The following DUSP13B variants were observed in gnomAD, a reference collection of about 807,000 sequenced individuals.
DUSP13B encodes the protein dual specificity protein phosphatase 13B.
At chr10:75,108,825 G>C in the DUSP13B span, among the ~76,000 whole-genome samples, 1 of 152,182 alleles carries the variant, frequency 6.6e-6, no homozygotes, top group Non-Finnish European at 1.5e-5. Context: ...TGCTCTCCCT[G>C]GTGGCCATAC....
chr10:75,098,245 C>T, the DUSP13B span, among the ~76,000 whole-genome samples: 3 of 152,118 alleles, frequency 2.0e-5, no homozygotes, highest in Non-Finnish European at 1.5e-5. Context: ...GGATGAAAGC[C>T]CCAGATGGCT....
the DUSP13B span, among the ~76,000 whole-genome samples, chr10:75,101,190 G>C: frequency 2.4e-4 from 37 of 152,188 alleles, no homozygotes. Context: ...GACCTGGGTA[G>C]AAATCTCAGG....
chr10:75,102,747 G>T, the DUSP13B span, among the ~76,000 whole-genome samples: 2 of 152,182 alleles, frequency 1.3e-5, no homozygotes, highest in Non-Finnish European at 2.9e-5. Context: ...GAGGTCGGGA[G>T]TTCGAGACCA....
the DUSP13B span, among the ~76,000 whole-genome samples, chr10:75,106,235 C>T: frequency 6.6e-6 from 1 of 151,832 alleles, no homozygotes; most frequent in African/African-American, 2.4e-5. Flanking sequence ...AGACACCGCT[C>T]CTGGCCTCCA....
chr10:75,095,762 C>T, the DUSP13B span: 1 of 1,614,212 alleles, frequency 6.2e-7, no homozygotes, highest in East Asian at 2.2e-5. Context: ...TGATTCCCAG[C>T]TGGATCAGCT....
the DUSP13B span, chr10:75,101,934 G>A: frequency 1.8e-5 from 25 of 1,367,694 alleles, no homozygotes; most frequent in Middle Eastern, 2.1e-4. Flanking sequence ...GCTTTCAGCC[G>A]CCTGTCTCCG....
chr10:75,097,985 A>T, the DUSP13B span: 1 of 1,093,334 alleles, frequency 9.1e-7, no homozygotes, highest in South Asian at 1.8e-5. Context: ...TGCCACGGGG[A>T]TGCTGCAGGA....
the DUSP13B span, chr10:75,104,194 T>C: frequency 1.2e-6 from 1 of 832,590 alleles, no homozygotes; most frequent in Non-Finnish European, 1.7e-6. Context: ...CACCTAAACC[T>C]GCTTCTGCCT....
the DUSP13B span, among the ~76,000 whole-genome samples, chr10:75,098,792 G>A: frequency 2.6e-4 from 39 of 152,266 alleles, no homozygotes; most frequent in African/African-American, 8.4e-4. Context: ...TGTCTCACTC[G>A]TGGGATATCT....
At chr10:75,094,546 T>A in the DUSP13B span, 1 of 1,016,610 alleles carries the variant, frequency 9.8e-7, no homozygotes, top group Non-Finnish European at 1.4e-6. Flanking sequence ...CACCCAGCTA[T>A]CCCTGCCTCT....
the DUSP13B span, among the ~76,000 whole-genome samples, chr10:75,104,818 G>T: frequency 2.0e-5 from 3 of 152,070 alleles, no homozygotes; most frequent in African/African-American, 7.2e-5. Context: ...AGGGGAAGGG[G>T]TCGATGCTGC....
the DUSP13B span, among the ~76,000 whole-genome samples, chr10:75,102,182 T>C: frequency 8.5e-5 from 13 of 152,326 alleles, no homozygotes; most frequent in South Asian, 2.5e-3. Flanking sequence ...TGTATGTTGA[T>C]AGTGGGAGAA....
the DUSP13B span, among the ~76,000 whole-genome samples, chr10:75,100,563 C>G: frequency 6.6e-6 from 1 of 152,324 alleles, no homozygotes; most frequent in East Asian, 1.9e-4. Context: ...CTCCTTGTCC[C>G]CAGCTGGGTG....
At chr10:75,108,161 G>C in the DUSP13B span, 2 of 1,612,472 alleles carry the variant, frequency 1.2e-6, no homozygotes, top group East Asian at 2.2e-5. Context: ...CGTTCAGCAC[G>C]TGGGTGATGC....
At chr10:75,098,144 T>C in the DUSP13B span, among the ~76,000 whole-genome samples, 1 of 152,246 alleles carries the variant, frequency 6.6e-6, no homozygotes, top group Non-Finnish European at 1.5e-5. Context: ...GCTGCAGATG[T>C]ATGAAGCTTT....
At chr10:75,095,769 A>G in the DUSP13B span, 1 of 1,614,202 alleles carries the variant, frequency 6.2e-7, no homozygotes, top group East Asian at 2.2e-5. Flanking sequence ...CAGCTGGATC[A>G]GCTTGCTCTT....
the DUSP13B span, chr10:75,109,171 C>T: frequency 1.8e-3 from 2,855 of 1,563,468 alleles, 51 homozygotes; most frequent in African/African-American, 0.034. Context: ...CCAGCCCGCC[C>T]ACCCCTCTGC....
the DUSP13B span, among the ~76,000 whole-genome samples, chr10:75,097,287 C>A: frequency 6.6e-6 from 1 of 152,134 alleles, no homozygotes; most frequent in Admixed American, 6.5e-5. Context: ...CGGCTCACTG[C>A]AACCTCTGCC....
chr10:75,103,177 C>T, the DUSP13B span, among the ~76,000 whole-genome samples: 1 of 152,206 alleles, frequency 6.6e-6, no homozygotes, highest in African/African-American at 2.4e-5. Context: ...GAAGGATGTT[C>T]TGTGGAGGAG....
Sources: allele counts gnomAD v4.1 joint callset (sites outside exome capture counted in the v4.1 genomes callset), GRCh38; gene constraint gnomAD v4.1.1; transcripts MANE v1.5; gene names NCBI Gene and HGNC (gene_info 2026-07-23, HGNC 2026-07-21).